Variants in ENAH observed in about 807,000 individuals in gnomAD.
ENAH encodes the protein ENAH actin regulator, also known as protein enabled homolog.
Under a neutral mutation model 78.7 loss-of-function variants are expected in ENAH, and 23 were observed. The ratio of observed to expected loss-of-function variants is 0.29; its 90% CI spans 0.21 to 0.41. The LOEUF (loss-of-function observed/expected upper bound fraction) is 0.41. Ranked by LOEUF, ENAH falls within the 10% of genes least tolerant of loss-of-function variation. The pLI is 1.00. For synonymous variants in ENAH, 226 were observed against 241.0 expected, an observed-to-expected ratio of 0.94 and a Z score of 0.58; for missense variants, 544 against 691.0, an observed-to-expected ratio of 0.79 and a Z score of 2.39.
chr1:225,588,570 G>C (rs187255268), intron 1 of ENAH, among the ~76,000 whole-genome samples: 1 of 152,336 alleles, frequency 6.6e-6, no homozygotes, highest in Admixed American at 6.5e-5. Flanking sequence ...AACACTTTGG[G>C]AGGCCAAGGT....
rs140013023 is a variant in ENAH at position 225,514,165 on chromosome 1, TTTTA to T, written c.1218+427_1218+430del. The stretch of plus-strand genomic sequence containing the variant: ...AATTTAAATTATGTCAATTTTTAAT[TTTTA>T]TTTATTTTATTTTTTGAGACAAAGT... On this transcript the variant is annotated intron_variant, in intron 7 of 13. Coordinates refer to ENST00000366843, the MANE Select transcript of ENAH (RefSeq NM_018212.6). Among the ~76,000 whole-genome samples the T allele has an allele frequency of 3.3e-3, 500 of 152,244 alleles. 6 individuals carry two copies. Among genetic ancestry groups the T allele is most frequent in the East Asian group, 0.026 (133 of 5,176 alleles).
rs2096249080 is a variant in ENAH, at chr1:225,496,198, G to A, written c.*1577C>T. 3.3e-5 allele frequency: 5 copies of A among 152,612 alleles called. No homozygotes were observed. The highest frequency in any genetic ancestry group is 1.5e-5 in the Non-Finnish European group (1 of 68,046). 9.5% of individuals were successfully genotyped at this position (152,612 alleles called of 1,614,324 possible). On this transcript the variant is annotated 3_prime_UTR_variant, in exon 14 of 14. Transcript: ENST00000366843. The stretch of plus-strand genomic sequence containing the variant: ...TTCCAAAAAGCTATCATTCCAACAT[G>A]TAGGATTTCTCCCCTATTTTAACCT...
intron 1 of ENAH, among the ~76,000 whole-genome samples, chr1:225,612,850 G>C (rs937289993): frequency 4.6e-5 from 7 of 151,858 alleles, no homozygotes; most frequent in Non-Finnish European, 5.9e-5. Flanking sequence ...CAAAAAAAAG[G>C]GGGGGAGGAG....
At chr1:225,530,714 T>C in intron 3 of ENAH, 76 bp from the exon 4 acceptor site, 3 of 1,157,318 alleles carry the variant, frequency 2.6e-6, no homozygotes, top group South Asian at 2.6e-5. Context: ...ATCATGAGAA[T>C]AACATAAAAC....
intron 10 of ENAH, 44 bp downstream of exon 10, chr1:225,511,767 T>G: frequency 7.1e-6 from 10 of 1,416,990 alleles, no homozygotes; most frequent in Non-Finnish European, 9.8e-6. Context: ...GTATTAATAT[T>G]TAGAGAAAGT....
chr1:225,597,655 CAAAAAAAA>C (rs565567062), intron 1 of ENAH, among the ~76,000 whole-genome samples: 3 of 61,172 alleles, frequency 4.9e-5, no homozygotes, highest in African/African-American at 1.4e-4. Flanking sequence ...AAGAGCATCT[CAAAAAAAA>C]AAAAAAAAAA....
chr1:225,608,220 G>GAAAAAAAAAAAA (rs60998592), intron 1 of ENAH, among the ~76,000 whole-genome samples: 12 of 91,284 alleles, frequency 1.3e-4, no homozygotes, highest in South Asian at 3.9e-4. Context: ...ATAAAAAACA[G>GAAAAAAAAAAAA]AAAAAAAAAA....
intron 1 of ENAH, among the ~76,000 whole-genome samples, chr1:225,648,695 T>C (rs1445058708): frequency 6.6e-6 from 1 of 151,610 alleles, no homozygotes; most frequent in Non-Finnish European, 1.5e-5. Context: ...ACTATTTGTA[T>C]CCTTTCATGG....
intron 1 of ENAH, among the ~76,000 whole-genome samples, chr1:225,642,675 T>C (rs548573473): frequency 6.6e-6 from 1 of 152,288 alleles, no homozygotes; most frequent in Admixed American, 6.5e-5. Context: ...TTTGAGATGC[T>C]TTGTTAAACA....
rs1011011086 is a variant in ENAH at position 225,519,319 on chromosome 1, T to C, written c.681A>G (p.Gln227=). The C allele has an allele frequency of 1.2e-6, 2 of 1,609,104 alleles. No individual in the cohort carries two copies. The highest frequency in any genetic ancestry group is 3.3e-5 in the Admixed American group (2 of 59,840). Residue 227 remains glutamine (Q), a synonymous_variant, in exon 5 of 14, where the codon CAA becomes CAG. Transcript: ENST00000366843. ...CCAGCCTCTCTCGTTCTTGTCTTTCTTGCCTCTCCCGATCCAGGCGTTCCT... is the reference window on the plus strand; with the variant it reads ...CCAGCCTCTCTCGTTCTTGTCTTTCCTGCCTCTCCCGATCCAGGCGTTCCT... ...ERQERLDRER[Q]ERQERERLER...
intron 3 of ENAH, among the ~76,000 whole-genome samples, chr1:225,547,141 G>A (rs900510062): frequency 2.0e-5 from 3 of 151,346 alleles, no homozygotes; most frequent in Admixed American, 6.6e-5. Flanking sequence ...GTGCAATCTC[G>A]GCTCATTGCA....
chr1:225,631,401 C>G (rs1659006997), intron 1 of ENAH, among the ~76,000 whole-genome samples: 1 of 150,808 alleles, frequency 6.6e-6, no homozygotes, highest in Admixed American at 6.6e-5. Context: ...GTGAAACTGT[C>G]TCTACTATAA....
chr1:225,533,032 T>C (rs1336480), intron 3 of ENAH, among the ~76,000 whole-genome samples: 138,127 of 152,082 alleles, frequency 0.91, 62,891 homozygotes, highest in African/African-American at 0.96. Context: ...AATCACTCCC[T>C]TTGGCACTTT....
In ENAH at chr1:225,489,189, C is replaced by T. The variant is rs1475055427; in HGVS notation, c.*8586G>A. ...CTTGAACTACAAGAGTCAAATGGAC[C>T]TTCTGCTATTCATATAATTGGAGCA... On this transcript the variant is annotated 3_prime_UTR_variant, in exon 14 of 14. Coordinates refer to ENST00000366843, the MANE Select transcript of ENAH (RefSeq NM_018212.6). 6.6e-6 allele frequency: 1 copy of T among 152,064 alleles called. No individual in the cohort carries two copies. The highest frequency in any genetic ancestry group is 1.5e-5 in the Non-Finnish European group (1 of 68,006). The allele number at this position is 152,064 out of a possible 1,614,324, so 9.4% of individuals were successfully genotyped here. A position where few individuals can be genotyped will look rare whatever the true frequency, so the allele number is the denominator to read the frequency against.
chr1:225,582,164 CT>C (rs1001542874), intron 1 of ENAH, among the ~76,000 whole-genome samples: 7 of 151,288 alleles, frequency 4.6e-5, no homozygotes, highest in Non-Finnish European at 1.0e-4. Flanking sequence ...TCTTCCCCCC[CT>C]CTCTCTCTCT....
intron 4 of ENAH, among the ~76,000 whole-genome samples, chr1:225,526,954 A>C (rs1487048591): frequency 1.3e-5 from 2 of 152,132 alleles, no homozygotes; most frequent in East Asian, 3.9e-4. Flanking sequence ...CCCTTAAGTA[A>C]ATGAGCTTCA....
intron 2 of ENAH, among the ~76,000 whole-genome samples, chr1:225,556,938 GGTTTGCCT>G (rs1558808747): frequency 6.6e-6 from 1 of 152,108 alleles, no homozygotes; most frequent in African/African-American, 2.4e-5. Context: ...CTGTGCTGCA[GGTTTGCCT>G]GCAGCACATA....
In ENAH at chr1:225,491,898, TCTA is replaced by T. The variant is rs1231576418; in HGVS notation, c.*5874_*5876del. The T allele has an allele frequency of 4.6e-5, 7 of 152,206 alleles. No individual in the cohort carries two copies. Among genetic ancestry groups the T allele is most frequent in the Non-Finnish European group, 8.8e-5 (6 of 68,028 alleles). 9.4% of individuals were successfully genotyped at this position (152,206 alleles called of 1,614,324 possible). A position where few individuals can be genotyped will look rare whatever the true frequency, so the allele number is the denominator to read the frequency against. On this transcript the variant is annotated 3_prime_UTR_variant, in exon 14 of 14. Transcript: ENST00000366843. ...TTTCTTTATGCTTTTAGAATTGTCA[TCTA>T]CTGCTGAAGAAATCTTTCTTGGAAT... is the stretch of plus-strand genomic sequence containing the variant.
rs894680970 is a variant in ENAH at position 225,488,460 on chromosome 1, T to C, written c.*9315A>G. On this transcript the variant is annotated 3_prime_UTR_variant, in exon 14 of 14. Transcript: ENST00000366843. ...CCCTCTCTCGCTCCCACCAGCTACA[T>C]AATAGGGACTTTCAGGATGCTCCTA... 1.3e-5 allele frequency: 2 copies of C among 152,062 alleles called. No individual in the cohort carries two copies. Among genetic ancestry groups the C allele is most frequent in the African/African-American group, 4.8e-5 (2 of 41,398 alleles). 9.4% of individuals were successfully genotyped at this position (152,062 alleles called of 1,614,324 possible).
Sources: gnomAD v4.1 joint callset for allele counts (sites outside exome capture counted in the v4.1 genomes callset) on GRCh38, gnomAD v4.1.1 for gene constraint, MANE v1.5 for transcripts, NCBI Gene and HGNC (gene_info 2026-07-23, HGNC 2026-07-21) for gene names.